The following CPXM2 variants were observed in gnomAD, a reference collection of about 807,000 sequenced individuals.
CPXM2 encodes inactive carboxypeptidase-like protein X2.
Under a neutral mutation model 86.1 loss-of-function variants are expected in CPXM2, and 66 were observed. The ratio of observed to expected loss-of-function variants is 0.77; its 90% CI spans 0.63 to 0.94. The LOEUF (loss-of-function observed/expected upper bound fraction) is 0.94. CPXM2 is among the 40% of genes least tolerant of loss of function. CPXM2 has a pLI of 0.00. For missense variants in CPXM2, 948 were observed against 1,026.3 expected, an observed-to-expected ratio of 0.92 and a Z score of 1.04; for synonymous variants, 388 against 400.2, an observed-to-expected ratio of 0.97 and a Z score of 0.36.
intron 3 of CPXM2, among the ~76,000 whole-genome samples, chr10:123,845,858 G>A (rs1400881648): frequency 2.0e-5 from 3 of 152,146 alleles, no homozygotes; most frequent in African/African-American, 7.2e-5. Context: ...AAGAAAGAAA[G>A]AGGAATAAGA....
At chr10:123,764,634 G>A (rs944355037) in intron 10 of CPXM2, among the ~76,000 whole-genome samples, 5 of 151,940 alleles carry the variant, frequency 3.3e-5, no homozygotes, top group Admixed American at 1.3e-4. Flanking sequence ...CCACAGTTGT[G>A]CACCACCATG....
chr10:123,906,544 T>C (rs1367990063), intron 2 of CPXM2, among the ~76,000 whole-genome samples: 4 of 152,212 alleles, frequency 2.6e-5, no homozygotes, highest in Non-Finnish European at 5.9e-5. Context: ...GTGTGCATGA[T>C]ATTGGAATAA....
chr10:123,811,708 T>C (rs1364765556), intron 4 of CPXM2, among the ~76,000 whole-genome samples: 1 of 152,182 alleles, frequency 6.6e-6, no homozygotes, highest in Non-Finnish European at 1.5e-5. Flanking sequence ...AGATTAATAT[T>C]GAGAATATAT....
At chr10:123,808,362 CAA>C (rs1436381244) in intron 4 of CPXM2, among the ~76,000 whole-genome samples, 1 of 95,880 alleles carries the variant, frequency 1.0e-5, no homozygotes, top group East Asian at 4.6e-4. Context: ...CAAACAAAAA[CAA>C]CAACAACAAC....
chr10:123,757,795 C>T (rs1333192558), intron 11 of CPXM2, among the ~76,000 whole-genome samples: 1 of 152,252 alleles, frequency 6.6e-6, no homozygotes, highest in East Asian at 1.9e-4. Flanking sequence ...CCAAAAACTG[C>T]GATCCTTAAC....
At chr10:123,841,473 C>T (rs986647801) in intron 4 of CPXM2, among the ~76,000 whole-genome samples, 2 of 152,230 alleles carry the variant, frequency 1.3e-5, no homozygotes, top group Non-Finnish European at 2.9e-5. Flanking sequence ...TTTCATCAAG[C>T]TATACTGAAC....
In CPXM2 at chr10:123,747,167, G is replaced by A. The variant is rs1313064048; in HGVS notation, c.2018-150C>T. On this transcript the variant is annotated intron_variant, in intron 13 of 13. Transcript: ENST00000241305. ...GCTCCTGCAGATGCAAATTCTTAAT[G>A]CATTTTGGAAGCCCAGATGTTTTCC... 4 of 981,240 alleles carry A rather than the reference G, an allele frequency of 4.1e-6. No homozygotes were observed. In the African/African-American group the frequency reaches 6.5e-5, roughly 16 times the overall value. 60.8% of individuals were successfully genotyped at this position (981,240 alleles called of 1,614,324 possible).
intron 2 of CPXM2, among the ~76,000 whole-genome samples, chr10:123,932,221 C>T (rs187570740): frequency 4.7e-4 from 72 of 152,202 alleles, no homozygotes; most frequent in African/African-American, 1.7e-3. Flanking sequence ...TGCCAGGCAC[C>T]ATCTTCTGTG....
At chr10:123,912,318 G>T (rs146739667) in intron 2 of CPXM2, among the ~76,000 whole-genome samples, 5 of 126,578 alleles carry the variant, frequency 4.0e-5, no homozygotes, top group Non-Finnish European at 8.5e-5. Flanking sequence ...CGGGGGGGGG[G>T]GGGCAGGCAT....
intron 4 of CPXM2, among the ~76,000 whole-genome samples, chr10:123,830,937 C>T (rs1347412188): frequency 6.7e-6 from 1 of 150,070 alleles, no homozygotes; most frequent in African/African-American, 2.5e-5. Flanking sequence ...TTTGCTGGAA[C>T]TCTAATCATG....
At chr10:123,764,745 C>T (rs1370833392) in intron 10 of CPXM2, among the ~76,000 whole-genome samples, 1 of 152,054 alleles carries the variant, frequency 6.6e-6, no homozygotes, top group Non-Finnish European at 1.5e-5. Flanking sequence ...TCTAAGCCTC[C>T]CAATACCCTT....
At chr10:123,911,915 AT>A (rs970584861) in intron 2 of CPXM2, among the ~76,000 whole-genome samples, 25 of 152,110 alleles carry the variant, frequency 1.6e-4, no homozygotes, top group Non-Finnish European at 2.9e-5. Flanking sequence ...ACTGAGGGGC[AT>A]AAGGCAGAAG....
At chr10:123,878,894 A>G (rs1294889837) in intron 2 of CPXM2, among the ~76,000 whole-genome samples, 1 of 152,052 alleles carries the variant, frequency 6.6e-6, no homozygotes, top group Non-Finnish European at 1.5e-5. Flanking sequence ...CCAATGTCCA[A>G]GGTCCATTCA....
At chr10:123,797,606 G>GC (rs1847360331) in intron 6 of CPXM2, among the ~76,000 whole-genome samples, 1 of 151,482 alleles carries the variant, frequency 6.6e-6, no homozygotes, top group African/African-American at 2.4e-5. Context: ...TTGAGACAGG[G>GC]TGGAGTGTAG....
intron 1 of CPXM2, among the ~76,000 whole-genome samples, chr10:123,881,229 T>TCCCCCCCCCCCCCCCCC (rs1564811040): frequency 1.1e-5 from 1 of 89,682 alleles, no homozygotes. Flanking sequence ...TGGAGCACCC[T>TCCCCCCCCCCCCCCCCC]TCTCTTCCCT....
At chr10:123,831,954 C>A (rs1236839740) in intron 4 of CPXM2, among the ~76,000 whole-genome samples, 1 of 20,842 alleles carries the variant, frequency 4.8e-5, no homozygotes, top group Non-Finnish European at 9.7e-5. Flanking sequence ...GGGTGGGGGG[C>A]GTGCCAGGGG....
At chr10:123,747,079 C>T in intron 13 of CPXM2, 62 bp from the exon 14 acceptor site, 1 of 1,572,318 alleles carries the variant, frequency 6.4e-7, no homozygotes, top group Non-Finnish European at 8.6e-7. Context: ...TCCCGCCAGC[C>T]CTCCTCCAAG....
intron 11 of CPXM2, 34 bp from the exon 12 acceptor site, chr10:123,757,386 C>T (rs752107449): frequency 1.3e-6 from 2 of 1,593,020 alleles, no homozygotes; most frequent in East Asian, 4.5e-5. Flanking sequence ...TTTAACTGAA[C>T]AATACTCAAA....
chr10:123,771,763 G>T (rs968192796), intron 7 of CPXM2, among the ~76,000 whole-genome samples: 15 of 152,110 alleles, frequency 9.9e-5, no homozygotes, highest in African/African-American at 3.4e-4. Flanking sequence ...GAATCATGGG[G>T]GTGGTTTCCC....
Sources: gnomAD v4.1 joint callset for allele counts (sites outside exome capture counted in the v4.1 genomes callset) on GRCh38, gnomAD v4.1.1 for gene constraint, MANE v1.5 for transcripts, NCBI Gene and HGNC (gene_info 2026-07-23, HGNC 2026-07-21) for gene names.